Variants in SF3B1 observed in about 807,000 individuals in gnomAD.
SF3B1 encodes splicing factor 3b subunit 1, also known as pre-mRNA processing 10.
A neutral mutation model predicts 153.8 loss-of-function variants in SF3B1; 12 were observed. That is an observed-to-expected ratio of 0.08 (90% CI 0.05 to 0.13). The LOEUF is 0.13. SF3B1 is among the 10% of genes least tolerant of loss of function. SF3B1 has a pLI of 1.00. For synonymous variants in SF3B1, 498 were observed against 525.2 expected, an observed-to-expected ratio of 0.95 and a Z score of 0.71; for missense variants, 513 against 1,606.1, an observed-to-expected ratio of 0.32 and a Z score of 11.63.
At chr2:197,423,323 G>A (rs1032464735) in intron 2 of SF3B1, among the ~76,000 whole-genome samples, 2 of 150,570 alleles carry the variant, frequency 1.3e-5, no homozygotes, top group Non-Finnish European at 3.0e-5. Context: ...GGAGGCGGAG[G>A]TTGCAGTCCA....
rs182320543 is a variant in SF3B1, at chr2:197,422,873, G to C, written c.195+935C>G. Among the ~76,000 whole-genome samples, 555 of 150,730 alleles carry C rather than the reference G, an allele frequency of 3.7e-3. 1 individual carries two copies. The highest frequency in any genetic ancestry group is 6.1e-3 in the Non-Finnish European group (415 of 67,708). Reference sequence around the variant, plus strand: ...CCACTGCATTCCAGCCTGGGCAACAGAGTGAGACGAAAAAAAAAAACCAGT... The same window carrying C: ...CCACTGCATTCCAGCCTGGGCAACACAGTGAGACGAAAAAAAAAAACCAGT... On this transcript the variant is annotated intron_variant, in intron 2 of 24. Transcript: ENST00000335508.
chr2:197,433,663 AG>A (rs1179311438), intron 1 of SF3B1, among the ~76,000 whole-genome samples: 18 of 152,254 alleles, frequency 1.2e-4, no homozygotes, highest in African/African-American at 4.3e-4. Flanking sequence ...GCTGGACTTC[AG>A]GTCCTCTGGG....
At chr2:197,392,572 G>GGC (rs200488792) in intron 24 of SF3B1, 111 bp from the exon 25 acceptor site, 7 of 345,488 alleles carry the variant, frequency 2.0e-5, no homozygotes, top group African/African-American at 1.4e-4. Flanking sequence ...TGGGGAGTTG[G>GGC]GGGGGGGGGA....
chr2:197,411,808 C>T (rs554594850), intron 6 of SF3B1, among the ~76,000 whole-genome samples: 1 of 151,996 alleles, frequency 6.6e-6, no homozygotes, highest in African/African-American at 2.4e-5. Context: ...TAAAAACATA[C>T]TACTCAGGGC....
intron 1 of SF3B1, among the ~76,000 whole-genome samples, chr2:197,427,146 A>G (rs1014755824): frequency 6.6e-6 from 1 of 152,212 alleles, no homozygotes; most frequent in African/African-American, 2.4e-5. Context: ...TATGAAATCT[A>G]TGTAAATCAT....
At position 197,398,162 on chromosome 2, in the gene SF3B1, G is replaced by A. The variant is rs529021129; in HGVS notation, c.3135-46C>T. 4.0e-6 allele frequency: 6 copies of A among 1,510,228 alleles called. No homozygotes were observed. In the South Asian group the frequency reaches 5.9e-5, roughly 15 times the overall value. 93.6% of individuals were successfully genotyped at this position (1,510,228 alleles called of 1,614,324 possible). ...ATTAATTATTGTGACATTAAGAAAA[G>A]TTTTAAGGATAAATTTGCAAATTCA... On this transcript the variant is annotated intron_variant, in intron 21 of 24. Coordinates refer to ENST00000335508, the MANE Select transcript of SF3B1 (RefSeq NM_012433.4).
At chr2:197,418,787 C>T in intron 4 of SF3B1, 199 bp from the exon 5 acceptor site, 1 of 1,480,690 alleles carries the variant, frequency 6.8e-7, no homozygotes, top group Non-Finnish European at 8.9e-7. Context: ...ACACAAACAT[C>T]TACAGCAGTT....
rs539097195 is a variant in SF3B1 at position 197,401,145 on chromosome 2, G to A, written c.2497-209C>T. Among the ~76,000 whole-genome samples, 2 of 152,268 alleles carry A rather than the reference G, an allele frequency of 1.3e-5. No individual in the cohort carries two copies. Among genetic ancestry groups the A allele is most frequent in the Admixed American group, 6.5e-5 (1 of 15,294 alleles). ...TTAACATGATTCAAGGTAAAACTGT[G>A]TCCATGTTTCATCTAGCCAGATAAA... is the stretch of plus-strand genomic sequence containing the variant. On this transcript the variant is annotated intron_variant, in intron 17 of 24. Coordinates refer to ENST00000335508, the MANE Select transcript of SF3B1 (RefSeq NM_012433.4). This position sits in a 1 kb window ranked among gnomAD's most constrained non-coding sequence, Gnocchi z 4.2.
chr2:197,419,025 C>G, intron 4 of SF3B1: 2 of 1,201,272 alleles, frequency 1.7e-6, no homozygotes, highest in Non-Finnish European at 2.4e-6. Flanking sequence ...CTGTTGCAAG[C>G]TGTTAAAATC....
chr2:197,417,697 C>T (rs955478505), intron 5 of SF3B1, among the ~76,000 whole-genome samples: 55 of 151,970 alleles, frequency 3.6e-4, no homozygotes, highest in African/African-American at 1.3e-3. Flanking sequence ...GCAGAGGGTG[C>T]GGTAAGCTGA....
At chr2:197,419,290 G>A (rs774131225) in intron 4 of SF3B1, 9 of 302,064 alleles carry the variant, frequency 3.0e-5, no homozygotes, top group Non-Finnish European at 4.3e-5. Context: ...CAGAAGCAAC[G>A]TGGTGTACAA....
At chr2:197,404,224 T>TA (rs1404698394) in intron 11 of SF3B1, among the ~76,000 whole-genome samples, 1 of 152,134 alleles carries the variant, frequency 6.6e-6, no homozygotes, top group African/African-American at 2.4e-5. Context: ...ACACCTGTAA[T>TA]CCCAACACTT....
chr2:197,407,812 T>C (rs1201592166), intron 9 of SF3B1, 186 bp downstream of exon 9: 1 of 508,368 alleles, frequency 2.0e-6, no homozygotes, highest in Admixed American at 3.4e-5. Context: ...CAAAAAGTAA[T>C]AAAAGTTTCA....
chr2:197,400,524 C>T lies in SF3B1; in HGVS notation c.2719-90G>A. 1 of 1,195,444 alleles carries T rather than the reference C, an allele frequency of 8.4e-7. No homozygotes were observed. Among genetic ancestry groups the T allele is most frequent in the South Asian group, 1.5e-5 (1 of 65,048 alleles). The allele number at this position is 1,195,444 out of a possible 1,614,324, so 74.1% of individuals were successfully genotyped here. On this transcript the variant is annotated intron_variant, in intron 18 of 24. Transcript: ENST00000335508. The surrounding 1 kb of genome is among the most constrained non-coding windows in gnomAD (Gnocchi z 5.0). ...TAAGAGTCAACCTTTTCTAACCACC[C>T]AAACATCTGTTGCTGTTTTTTTACA... is the stretch of plus-strand genomic sequence containing the variant.
intron 11 of SF3B1, 44 bp downstream of exon 11, chr2:197,405,028 TTAAA>T (rs763159369): frequency 7.7e-7 from 1 of 1,306,208 alleles, no homozygotes; most frequent in Admixed American, 2.4e-5. Flanking sequence ...TTTTTTTTAA[TTAAA>T]TAAATAAGCA....
intron 1 of SF3B1, among the ~76,000 whole-genome samples, chr2:197,430,258 T>A (rs2085406650): frequency 6.6e-6 from 1 of 152,172 alleles, no homozygotes; most frequent in Non-Finnish European, 1.5e-5. Flanking sequence ...AATCATGGTA[T>A]TATCTTTTTA....
chr2:197,416,972 C>CTT, intron 5 of SF3B1, 61 bp from the exon 6 acceptor site: 1 of 1,493,980 alleles, frequency 6.7e-7, no homozygotes, highest in Non-Finnish European at 9.2e-7. Flanking sequence ...CTACCATTAG[C>CTT]GCAATCACTT....
intron 6 of SF3B1, among the ~76,000 whole-genome samples, chr2:197,414,073 G>A (rs1305579727): frequency 6.6e-6 from 1 of 152,162 alleles, no homozygotes; most frequent in African/African-American, 2.4e-5. Context: ...CTCCCAAAGT[G>A]CTGGGATTAC....
intron 23 of SF3B1, among the ~76,000 whole-genome samples, chr2:197,395,755 A>G (rs1349159908): frequency 6.6e-6 from 1 of 152,062 alleles, no homozygotes; most frequent in Non-Finnish European, 1.5e-5. Context: ...CTCTAACTAT[A>G]TTTGACCAAT....
Sources: allele counts gnomAD v4.1 joint callset (sites outside exome capture counted in the v4.1 genomes callset), GRCh38; gene constraint gnomAD v4.1.1; non-coding constraint Gnocchi (gnomAD v3.1); transcripts MANE v1.5; gene names NCBI Gene and HGNC (gene_info 2026-07-23, HGNC 2026-07-21).